Variants in CSRNP3 observed in about 807,000 individuals in gnomAD.
CSRNP3 encodes the protein cysteine and serine rich nuclear protein 3, also known as cysteine/serine-rich nuclear protein 3.
A neutral mutation model predicts 48.0 loss-of-function variants in CSRNP3; 12 were observed. The observed-to-expected ratio is 0.25, with a 90% confidence interval of 0.16 to 0.41. The LOEUF (loss-of-function observed/expected upper bound fraction) is 0.41, where lower values mean the gene tolerates loss of function less well. CSRNP3 is among the 10% of genes least tolerant of loss of function. CSRNP3 has a pLI of 1.00. For synonymous variants in CSRNP3, 263 were observed against 269.7 expected (o/e 0.98, Z 0.24); for missense variants, 580 against 724.4 (o/e 0.80, Z 2.29).
At chr2:165,546,865 A>T (rs1267709611) in intron 3 of CSRNP3, among the ~76,000 whole-genome samples, 4 of 152,240 alleles carry the variant, frequency 2.6e-5, no homozygotes, top group Admixed American at 2.0e-4. Flanking sequence ...TTTTCTAAAG[A>T]TGGATTTACA....
rs1036118250 is a variant in CSRNP3 at position 165,527,703 on chromosome 2, A to G, written c.-24+9742A>G. On this transcript the variant is annotated intron_variant, in intron 3 of 6. Transcript: ENST00000651982. ...GAAAACACATCTAATTATTATTTTT[A>G]AAAGTAGGTATAGAATATGAAGGGA... Among the ~76,000 whole-genome samples, 3 of 152,144 alleles carry G rather than the reference A, an allele frequency of 2.0e-5. No individual in the cohort carries two copies. The South Asian group carries it at 6.2e-4, about 32-fold the overall frequency.
At chr2:165,650,967 C>T (rs562537767) in intron 4 of CSRNP3, among the ~76,000 whole-genome samples, 47 of 152,340 alleles carry the variant, frequency 3.1e-4, no homozygotes, top group Non-Finnish European at 3.1e-4. Context: ...TGCCAAAATA[C>T]ATAACTCTGT....
intron 5 of CSRNP3, among the ~76,000 whole-genome samples, chr2:165,667,102 G>GAAA (rs1491220507): frequency 8.1e-5 from 11 of 135,596 alleles, no homozygotes; most frequent in African/African-American, 1.0e-4. Flanking sequence ...AGAGAGAAAA[G>GAAA]GAAGGAAGGA....
At chr2:165,473,457 T>C (rs1683919295) in intron 1 of CSRNP3, among the ~76,000 whole-genome samples, 1 of 152,052 alleles carries the variant, frequency 6.6e-6, no homozygotes, top group Non-Finnish European at 1.5e-5. Flanking sequence ...TTAATAATAT[T>C]CAAATTGTGC....
At chr2:165,551,417 C>T (rs1003270484) in intron 3 of CSRNP3, among the ~76,000 whole-genome samples, 1 of 152,156 alleles carries the variant, frequency 6.6e-6, no homozygotes, top group African/African-American at 2.4e-5. Flanking sequence ...CTCCTGCTGC[C>T]CTCTGTCTGC....
At chr2:165,611,180 A>G (rs538660317) in intron 4 of CSRNP3, among the ~76,000 whole-genome samples, 57 of 152,126 alleles carry the variant, frequency 3.7e-4, no homozygotes, top group African/African-American at 1.3e-3. Flanking sequence ...TTACATGCTC[A>G]GAATATGGGA....
At chr2:165,506,351 C>A (rs1477113411) in intron 2 of CSRNP3, among the ~76,000 whole-genome samples, 1 of 152,078 alleles carries the variant, frequency 6.6e-6, no homozygotes, top group African/African-American at 2.4e-5. Flanking sequence ...CAGATGGGTT[C>A]AGCAAATAAG....
At chr2:165,517,796 T>C (rs765812843) in intron 2 of CSRNP3, 77 bp from the exon 3 acceptor site, 1 of 152,408 alleles carries the variant, frequency 6.6e-6, no homozygotes, top group African/African-American at 2.4e-5. Context: ...GTAATCACGA[T>C]GTTGGCACCT....
intron 5 of CSRNP3, among the ~76,000 whole-genome samples, chr2:165,666,135 A>G (rs1687192528): frequency 1.5e-5 from 2 of 132,468 alleles, no homozygotes; most frequent in African/African-American, 5.5e-5. Context: ...GGAAGGAAGG[A>G]AGGAAGGAAA....
chr2:165,500,378 C>T (rs867878892), intron 2 of CSRNP3, among the ~76,000 whole-genome samples: 12 of 145,182 alleles, frequency 8.3e-5, no homozygotes, highest in East Asian at 2.0e-4. Flanking sequence ...TATGTATATG[C>T]GTATATGTAT....
At chr2:165,638,612 G>C (rs146447514) in intron 4 of CSRNP3, among the ~76,000 whole-genome samples, 1 of 152,070 alleles carries the variant, frequency 6.6e-6, no homozygotes, top group African/African-American at 2.4e-5. Flanking sequence ...GTATAGAAAA[G>C]TACCTATCTC....
intron 5 of CSRNP3, among the ~76,000 whole-genome samples, chr2:165,664,750 G>A (rs10497266): frequency 7.9e-5 from 12 of 152,042 alleles, no homozygotes; most frequent in African/African-American, 2.4e-4. Flanking sequence ...TCCCAAGTTC[G>A]GGATGTTCTT....
At chr2:165,646,951 T>C (rs1686821596) in intron 4 of CSRNP3, among the ~76,000 whole-genome samples, 1 of 152,196 alleles carries the variant, frequency 6.6e-6, no homozygotes, top group African/African-American at 2.4e-5. Context: ...GGCAGTGAAA[T>C]TTGTTTCTTA....
At chr2:165,547,597 A>G (rs1685049213) in intron 3 of CSRNP3, among the ~76,000 whole-genome samples, 1 of 151,942 alleles carries the variant, frequency 6.6e-6, no homozygotes, top group Admixed American at 6.6e-5. Context: ...AAGTACCTGC[A>G]CAGAATGCAA....
At chr2:165,640,085 T>C (rs1296407469) in intron 4 of CSRNP3, among the ~76,000 whole-genome samples, 1 of 152,214 alleles carries the variant, frequency 6.6e-6, no homozygotes, top group Non-Finnish European at 1.5e-5. Flanking sequence ...TCATACATAT[T>C]GATTCTCTGT....
At chr2:165,473,309 C>T (rs1245289296) in intron 1 of CSRNP3, among the ~76,000 whole-genome samples, 1 of 151,996 alleles carries the variant, frequency 6.6e-6, no homozygotes, top group Non-Finnish European at 1.5e-5. Flanking sequence ...AATTACTTCC[C>T]CTATAATATA....
chr2:165,481,647 T>C (rs1215917346), intron 1 of CSRNP3, among the ~76,000 whole-genome samples: 2 of 152,150 alleles, frequency 1.3e-5, no homozygotes, highest in African/African-American at 4.8e-5. Context: ...CTGGCTAGAT[T>C]ACACACCCAG....
chr2:165,496,295 G>A (rs1684282780), intron 2 of CSRNP3, among the ~76,000 whole-genome samples: 1 of 152,032 alleles, frequency 6.6e-6, no homozygotes, highest in Non-Finnish European at 1.5e-5. Flanking sequence ...GTTATGGCCA[G>A]AGAGTAGAAT....
chr2:165,475,974 G>T (rs1026974898), intron 1 of CSRNP3, among the ~76,000 whole-genome samples: 1 of 151,958 alleles, frequency 6.6e-6, no homozygotes, highest in Non-Finnish European at 1.5e-5. Context: ...CTAAATCAAT[G>T]GGTTAATTGT....
Sources: gnomAD v4.1 joint callset for allele counts (sites outside exome capture counted in the v4.1 genomes callset) on GRCh38, gnomAD v4.1.1 for gene constraint, MANE v1.5 for transcripts, NCBI Gene and HGNC (gene_info 2026-07-23, HGNC 2026-07-21) for gene names.